The following DNM3 variants were observed in gnomAD, a reference collection of about 807,000 sequenced individuals.
DNM3 encodes the protein dynamin-3.
DNM3 carries 47 observed loss-of-function variants against 101.6 expected under a neutral mutation model. That is an observed-to-expected ratio of 0.46 (90% CI 0.37 to 0.59). The LOEUF is 0.59. DNM3 is among the 20% of genes least tolerant of loss of function. The pLI is 0.00. For synonymous variants in DNM3, 385 were observed against 387.9 expected (o/e 0.99, Z 0.09); for missense variants, 849 against 1,085.7 (o/e 0.78, Z 3.06).
At chr1:172,405,727 A>T (rs1018990167) in intron 20 of DNM3, among the ~76,000 whole-genome samples, 3 of 151,990 alleles carry the variant, frequency 2.0e-5, no homozygotes, top group Admixed American at 2.0e-4. Context: ...CCAACTGGTT[A>T]ATTGCTAAGA....
In DNM3 at chr1:172,232,478, A is replaced by G. The variant is rs1226063434; in HGVS notation, c.1660-21095A>G. Among the ~76,000 whole-genome samples the G allele has an allele frequency of 2.0e-5, 3 of 152,160 alleles. No homozygotes were observed. The East Asian group carries it at 5.8e-4, about 29-fold the overall frequency. ...CCCACTGTCAACATAAGACAGATCA[A>G]CGAGACAGAAAGTTAACAAGGATAT... On this transcript the variant is annotated intron_variant, in intron 14 of 20. Transcript: ENST00000627582.
chr1:171,845,440 C>G (rs901170271), intron 1 of DNM3, among the ~76,000 whole-genome samples: 4 of 152,186 alleles, frequency 2.6e-5, no homozygotes, highest in Admixed American at 6.5e-5. Context: ...GTAGTGCCAA[C>G]TACTTGGGAG....
chr1:172,247,656 C>CTTACTTATTTATTTATTTAT (rs142204811), intron 14 of DNM3, among the ~76,000 whole-genome samples: 6 of 135,330 alleles, frequency 4.4e-5, no homozygotes, highest in Non-Finnish European at 6.3e-5. Flanking sequence ...ATTATTATTT[C>CTTACTTATTTATTTATTTAT]TTATTTATTT....
chr1:172,031,858 A>T (rs2048631162), intron 4 of DNM3, among the ~76,000 whole-genome samples: 1 of 152,166 alleles, frequency 6.6e-6, no homozygotes, highest in Non-Finnish European at 1.5e-5. Flanking sequence ...TCTAAGGAAT[A>T]GTGAATGCTG....
intron 1 of DNM3, among the ~76,000 whole-genome samples, chr1:171,876,612 G>A (rs911918493): frequency 4.6e-5 from 7 of 152,116 alleles, no homozygotes; most frequent in Non-Finnish European, 1.0e-4. Context: ...AGTGGATTAG[G>A]ATCATGTTAG....
intron 10 of DNM3, among the ~76,000 whole-genome samples, chr1:172,058,941 C>A (rs1341964708): frequency 1.3e-5 from 2 of 152,012 alleles, no homozygotes; most frequent in Non-Finnish European, 2.9e-5. Flanking sequence ...AATTGATAGA[C>A]TGCTAGCAAG....
rs192910998 is a variant in DNM3, at chr1:172,195,022, G to C, written c.1660-58551G>C. Reference sequence around the variant, plus strand: ...TACCAGTTGTTCCTTTCCATGTTTAGTGCTTCCTTCAGGAGGTCTGGTAAG... The same window carrying C: ...TACCAGTTGTTCCTTTCCATGTTTACTGCTTCCTTCAGGAGGTCTGGTAAG... On this transcript the variant is annotated intron_variant, in intron 14 of 20. Coordinates refer to ENST00000627582, the MANE Select transcript of DNM3 (RefSeq NM_015569.5). Among the ~76,000 whole-genome samples, 20 of 152,078 alleles carry C rather than the reference G, an allele frequency of 1.3e-4. No individual in the cohort carries two copies. In the East Asian group the frequency reaches 3.5e-3, roughly 27 times the overall value.
chr1:171,896,461 A>G (rs191493337), intron 1 of DNM3, among the ~76,000 whole-genome samples: 2 of 152,274 alleles, frequency 1.3e-5, no homozygotes, highest in Non-Finnish European at 2.9e-5. Flanking sequence ...GGTGTATAGG[A>G]ATGCTTGTGA....
intron 11 of DNM3, among the ~76,000 whole-genome samples, chr1:172,077,262 A>G (rs2052738843): frequency 6.6e-6 from 1 of 152,180 alleles, no homozygotes; most frequent in South Asian, 2.1e-4. Context: ...TTTTCAAAAA[A>G]AACAGCTCCT....
At chr1:172,361,800 A>C (rs1340108118) in intron 17 of DNM3, among the ~76,000 whole-genome samples, 1 of 151,986 alleles carries the variant, frequency 6.6e-6, no homozygotes, top group East Asian at 1.9e-4. Context: ...ATTATGGTGA[A>C]GCTTTCTACA....
intron 14 of DNM3, among the ~76,000 whole-genome samples, chr1:172,166,743 T>TA (rs397689872): frequency 5.4e-4 from 82 of 151,912 alleles, no homozygotes; most frequent in African/African-American, 1.8e-3. Flanking sequence ...CTCATTTTTT[T>TA]ATCAAAGCTG....
At chr1:172,268,151 C>A (rs1416145703) in intron 15 of DNM3, among the ~76,000 whole-genome samples, 1 of 151,974 alleles carries the variant, frequency 6.6e-6, no homozygotes, top group African/African-American at 2.4e-5. Context: ...AGGACTCTTA[C>A]AGTTATTGAT....
intron 2 of DNM3, among the ~76,000 whole-genome samples, chr1:171,959,431 T>A (rs2043067305): frequency 6.6e-6 from 1 of 151,964 alleles, no homozygotes; most frequent in Non-Finnish European, 1.5e-5. Flanking sequence ...CAACTAGAGG[T>A]TTATTCAGGA....
intron 14 of DNM3, among the ~76,000 whole-genome samples, chr1:172,148,742 C>G (rs1248999958): frequency 6.6e-6 from 1 of 152,030 alleles, no homozygotes; most frequent in Non-Finnish European, 1.5e-5. Context: ...GAAGATAGCC[C>G]CACTTAGTTT....
chr1:172,133,700 G>A (rs554365652), intron 14 of DNM3, among the ~76,000 whole-genome samples: 92 of 152,260 alleles, frequency 6.0e-4, no homozygotes, highest in Non-Finnish European at 1.1e-3. Flanking sequence ...TTAGATTTGG[G>A]TGATTGGAAG....
chr1:172,081,255 C>A (rs192386076), intron 11 of DNM3, among the ~76,000 whole-genome samples: 1 of 152,100 alleles, frequency 6.6e-6, no homozygotes, highest in African/African-American at 2.4e-5. Context: ...CACCACCATG[C>A]CCAGCTTCTG....
intron 15 of DNM3, among the ~76,000 whole-genome samples, chr1:172,285,610 A>C (rs1442837331): frequency 6.6e-6 from 1 of 152,232 alleles, no homozygotes; most frequent in Non-Finnish European, 1.5e-5. Context: ...CATGTAATAA[A>C]GGCTCATATA....
At chr1:172,140,387 A>G (rs1479734846) in intron 14 of DNM3, 2 of 151,962 alleles carry the variant, frequency 1.3e-5, no homozygotes, top group African/African-American at 4.8e-5. Flanking sequence ...TTACAAGGTT[A>G]GAGTATGCCA....
chr1:172,258,069 C>T (rs2062488460), intron 15 of DNM3, among the ~76,000 whole-genome samples: 1 of 152,118 alleles, frequency 6.6e-6, no homozygotes, highest in African/African-American at 2.4e-5. Context: ...CTTGACTTAA[C>T]ATAGTGATTT....
Sources: allele counts gnomAD v4.1 joint callset (sites outside exome capture counted in the v4.1 genomes callset), GRCh38; gene constraint gnomAD v4.1.1; transcripts MANE v1.5; gene names NCBI Gene and HGNC (gene_info 2026-07-23, HGNC 2026-07-21).